Variants in PRKAG2 observed in about 807,000 individuals in gnomAD.
PRKAG2 encodes protein kinase AMP-activated non-catalytic subunit gamma 2, also known as 5'-AMP-activated protein kinase subunit gamma-2.
A neutral mutation model predicts 69.6 loss-of-function variants in PRKAG2; 26 were observed. The ratio of observed to expected loss-of-function variants is 0.37; its 90% CI spans 0.27 to 0.52. PRKAG2 has a LOEUF of 0.52. Ranked by LOEUF, PRKAG2 falls within the 20% of genes least tolerant of loss-of-function variation. The pLI, the probability that PRKAG2 is intolerant of heterozygous loss-of-function variation, is 0.90. For synonymous variants in PRKAG2, 293 were observed against 285.0 expected (o/e 1.03, Z -0.28); for missense variants, 557 against 740.0 (o/e 0.75, Z 2.87).
At chr7:151,663,472 C>T (rs1447534853) in intron 4 of PRKAG2, among the ~76,000 whole-genome samples, 2 of 152,158 alleles carry the variant, frequency 1.3e-5, no homozygotes, top group African/African-American at 4.8e-5. Flanking sequence ...AGATGATTCT[C>T]CCACCTCAGC....
intron 9 of PRKAG2, among the ~76,000 whole-genome samples, chr7:151,571,365 G>A (rs1245206801): frequency 2.6e-5 from 4 of 151,898 alleles, no homozygotes; most frequent in Admixed American, 6.6e-5. Flanking sequence ...GAGCTACTGC[G>A]CCTGGCTCTA....
chr7:151,776,724 G>A (rs967680424), intron 3 of PRKAG2, among the ~76,000 whole-genome samples: 2 of 152,260 alleles, frequency 1.3e-5, no homozygotes, highest in Non-Finnish European at 2.9e-5. Context: ...GGCAGGCCCA[G>A]CCGGGGCAGT....
intron 3 of PRKAG2, among the ~76,000 whole-genome samples, chr7:151,689,239 G>C (rs924498972): frequency 2.0e-5 from 3 of 152,116 alleles, no homozygotes; most frequent in African/African-American, 7.2e-5. Context: ...CTCCTGGGGG[G>C]CTCCAGTGGC....
intron 4 of PRKAG2, among the ~76,000 whole-genome samples, chr7:151,656,438 C>A (rs970833156): frequency 2.0e-5 from 3 of 152,062 alleles, no homozygotes; most frequent in African/African-American, 7.3e-5. Flanking sequence ...CACCTGTAAT[C>A]CCAGCTACTC....
intron 6 of PRKAG2, among the ~76,000 whole-genome samples, chr7:151,590,121 G>GTGA (rs1812692086): frequency 6.6e-6 from 1 of 152,192 alleles, no homozygotes; most frequent in South Asian, 2.1e-4. Flanking sequence ...ATCTGTGCCT[G>GTGA]TGATGACATT....
chr7:151,571,660 C>T (rs1378289934), intron 9 of PRKAG2, among the ~76,000 whole-genome samples: 1 of 152,218 alleles, frequency 6.6e-6, no homozygotes, highest in Non-Finnish European at 1.5e-5. Flanking sequence ...GCTGGTGTTA[C>T]ACAATCACTG....
chr7:151,692,566 A>ATT (rs11459865), intron 3 of PRKAG2, among the ~76,000 whole-genome samples: 7,035 of 151,462 alleles, frequency 0.046, 388 homozygotes, highest in African/African-American at 0.13. Context: ...AGAATAGCAC[A>ATT]TTTTTTTTTA....
chr7:151,803,098 C>G (rs1265319182), intron 1 of PRKAG2, among the ~76,000 whole-genome samples: 1 of 151,862 alleles, frequency 6.6e-6, no homozygotes, highest in Non-Finnish European at 1.5e-5. Flanking sequence ...GCTGGGATTA[C>G]AGGTATGTAC....
At chr7:151,629,738 A>C (rs1823930111) in intron 5 of PRKAG2, among the ~76,000 whole-genome samples, 1 of 152,248 alleles carries the variant, frequency 6.6e-6, no homozygotes, top group South Asian at 2.1e-4. Context: ...CGTACAGCGA[A>C]TATATCTCGG....
At chr7:151,668,872 TA>T (rs1831412699) in intron 4 of PRKAG2, among the ~76,000 whole-genome samples, 2 of 152,202 alleles carry the variant, frequency 1.3e-5, no homozygotes, top group African/African-American at 2.4e-5. Context: ...CTGCTTCCAA[TA>T]AATCAAAAGT....
intron 1 of PRKAG2, among the ~76,000 whole-genome samples, chr7:151,840,123 A>G (rs1290502533): frequency 6.6e-6 from 1 of 152,168 alleles, no homozygotes; most frequent in African/African-American, 2.4e-5. Flanking sequence ...TGTAATCAGA[A>G]AAGTAGACTT....
At position 151,557,111 on chromosome 7, in the gene PRKAG2, T is replaced by C. The variant is rs878903594; in HGVS notation, c.*90A>G. On this transcript the variant is annotated 3_prime_UTR_variant, in exon 16 of 16. Coordinates refer to ENST00000287878, the MANE Select transcript of PRKAG2 (RefSeq NM_016203.4). ...TATTGTTAAACCCTGATATACATTC[T>C]TAACCACTTGCAGCCAGTGTTCATG... 1 of 1,587,206 alleles carries C rather than the reference T, an allele frequency of 6.3e-7. No individual in the cohort carries two copies. The highest frequency in any genetic ancestry group is 8.7e-7 in the Non-Finnish European group (1 of 1,155,666).
At chr7:151,593,411 C>T (rs771403833) in intron 6 of PRKAG2, among the ~76,000 whole-genome samples, 1 of 152,144 alleles carries the variant, frequency 6.6e-6, no homozygotes, top group Non-Finnish European at 1.5e-5. Flanking sequence ...CCAGGGTGGT[C>T]TTGAACTCCT....
At chr7:151,754,725 T>A (rs1429615159) in intron 3 of PRKAG2, among the ~76,000 whole-genome samples, 1 of 18,716 alleles carries the variant, frequency 5.3e-5, no homozygotes. Context: ...CCGCCGCACC[T>A]GACTCCCCAC....
chr7:151,826,724 G>C (rs753525921), intron 1 of PRKAG2, among the ~76,000 whole-genome samples: 1 of 152,192 alleles, frequency 6.6e-6, no homozygotes, highest in Non-Finnish European at 1.5e-5. Flanking sequence ...CAAATACACG[G>C]AGCCCTCTTC....
Position 151,814,912 on chromosome 7 carries a change from G to C in PRKAG2, c.115-28371C>G, listed in dbSNP as rs1042474680. On this transcript the variant is annotated intron_variant, in intron 1 of 15. Transcript: ENST00000287878. The surrounding 1 kb of genome is among the most constrained non-coding windows in gnomAD (Gnocchi z 4.8). The stretch of plus-strand genomic sequence containing the variant: ...AGCCAGCAGGAGGGAGGGCTGGACC[G>C]GAGCTTTTAAAAAGACAGGCAGCAG... 1.6e-6 allele frequency: 2 copies of C among 1,223,790 alleles called. No homozygotes were observed. Among genetic ancestry groups the C allele is most frequent in the Non-Finnish European group, 2.0e-6 (2 of 981,258 alleles). The allele number at this position is 1,223,790 out of a possible 1,614,324, so 75.8% of individuals were successfully genotyped here.
chr7:151,831,879 G>A (rs2079033225), intron 1 of PRKAG2, among the ~76,000 whole-genome samples: 1 of 152,182 alleles, frequency 6.6e-6, no homozygotes, highest in African/African-American at 2.4e-5. Context: ...AGGTGACAGA[G>A]TGGGGAGCAG....
chr7:151,738,549 C>A (rs1398770169), intron 3 of PRKAG2, among the ~76,000 whole-genome samples: 1 of 152,284 alleles, frequency 6.6e-6, no homozygotes, highest in East Asian at 1.9e-4. Flanking sequence ...CCTGGCCTGC[C>A]CAGGGCGGAA....
chr7:151,565,438 AT>A, intron 12 of PRKAG2, 55 bp from the exon 13 acceptor site: 2 of 1,212,010 alleles, frequency 1.7e-6, no homozygotes, highest in Non-Finnish European at 2.3e-6. Context: ...AAAGAAATTC[AT>A]TTAAAATCAG....
Sources: allele counts gnomAD v4.1 joint callset (sites outside exome capture counted in the v4.1 genomes callset), GRCh38; gene constraint gnomAD v4.1.1; non-coding constraint Gnocchi (gnomAD v3.1); transcripts MANE v1.5; gene names NCBI Gene and HGNC (gene_info 2026-07-23, HGNC 2026-07-21).